Variants in ANKFN1 observed in about 807,000 individuals in gnomAD.
ANKFN1 encodes the protein ankyrin repeat and fibronectin type-III domain-containing protein 1.
In ANKFN1, 74 loss-of-function variants were observed where a neutral mutation model predicts 108.7. That is an observed-to-expected ratio of 0.68 (90% confidence interval 0.56 to 0.83). The LOEUF is 0.83. Ranked by LOEUF, ANKFN1 falls within the 40% of genes least tolerant of loss-of-function variation. The pLI is 0.00. For missense variants in ANKFN1, 1,505 were observed against 1,382.3 expected (o/e 1.09, Z -1.41); for synonymous variants, 547 against 516.2 (o/e 1.06, Z -0.81).
chr17:56,268,679 G>A (rs2043716344), intron 3 of ANKFN1, among the ~76,000 whole-genome samples: 1 of 152,016 alleles, frequency 6.6e-6, no homozygotes, highest in South Asian at 2.1e-4. Flanking sequence ...TTGATAAACT[G>A]CTAGTTAGAC....
intron 3 of ANKFN1, among the ~76,000 whole-genome samples, chr17:56,281,584 G>A (rs1263427462): frequency 6.6e-6 from 1 of 152,048 alleles, no homozygotes; most frequent in African/African-American, 2.4e-5. Flanking sequence ...CCACAGGCTG[G>A]AAAAATATAT....
chr17:56,204,655 G>A (rs925877735), intron 1 of ANKFN1, among the ~76,000 whole-genome samples: 14 of 152,188 alleles, frequency 9.2e-5, no homozygotes, highest in South Asian at 4.2e-4. Flanking sequence ...CACTGTTTAT[G>A]ATCATACATT....
At chr17:56,299,471 G>A (rs1294501294) in intron 3 of ANKFN1, among the ~76,000 whole-genome samples, 25 of 152,120 alleles carry the variant, frequency 1.6e-4, no homozygotes, top group Admixed American at 1.6e-3. Flanking sequence ...AGTAATCCCT[G>A]TACATTCTGA....
chr17:56,338,645 T>TC (rs774501924), intron 4 of ANKFN1, among the ~76,000 whole-genome samples: 7 of 151,426 alleles, frequency 4.6e-5, no homozygotes, highest in Non-Finnish European at 1.0e-4. Context: ...TTGAGGTTTC[T>TC]TTTTTTCAGT....
intron 8 of ANKFN1, among the ~76,000 whole-genome samples, chr17:56,415,525 A>ATTG (rs2048218471): frequency 6.6e-6 from 1 of 152,218 alleles, no homozygotes; most frequent in Non-Finnish European, 1.5e-5. Flanking sequence ...GATCTCTACA[A>ATTG]TGAAAACTAT....
chr17:56,187,687 G>A (rs1912357209), intron 1 of ANKFN1, among the ~76,000 whole-genome samples: 1 of 152,118 alleles, frequency 6.6e-6, no homozygotes, highest in South Asian at 2.1e-4. Flanking sequence ...CAACCCAAAT[G>A]TCCATCAATG....
At chr17:56,342,699 T>A (rs2045990591) in intron 4 of ANKFN1, among the ~76,000 whole-genome samples, 1 of 152,022 alleles carries the variant, frequency 6.6e-6, no homozygotes. Context: ...TACTAAGGAG[T>A]GTTTTACTTC....
chr17:56,215,647 A>G (rs1294108070), intron 2 of ANKFN1: 1 of 152,382 alleles, frequency 6.6e-6, no homozygotes. Context: ...CTGCAAAACT[A>G]GTTGGGCACA....
intron 8 of ANKFN1, among the ~76,000 whole-genome samples, chr17:56,438,653 G>A (rs931428817): frequency 1.2e-4 from 18 of 152,008 alleles, no homozygotes; most frequent in Middle Eastern, 3.2e-3. Flanking sequence ...TTGAACCCCC[G>A]GGCTTAAGCA....
At chr17:56,451,736 C>A (rs1254249172) in intron 11 of ANKFN1, among the ~76,000 whole-genome samples, 1 of 152,120 alleles carries the variant, frequency 6.6e-6, no homozygotes, top group East Asian at 1.9e-4. Context: ...CTTTCCCTGG[C>A]AAACTGTAAC....
chr17:56,225,843 T>A (rs1231609756), intron 2 of ANKFN1, among the ~76,000 whole-genome samples: 1 of 152,226 alleles, frequency 6.6e-6, no homozygotes, highest in Non-Finnish European at 1.5e-5. Flanking sequence ...CTCAAGGACA[T>A]CCCTGAATAG....
At chr17:56,230,323 C>G (rs1916638536) in intron 3 of ANKFN1, among the ~76,000 whole-genome samples, 1 of 152,010 alleles carries the variant, frequency 6.6e-6, no homozygotes, top group African/African-American at 2.4e-5. Flanking sequence ...GTTACTTAAC[C>G]CTTCGGTTTC....
At chr17:56,066,712 C>T (rs1273208683) in intron 4 of ANKFN1, among the ~76,000 whole-genome samples, 1 of 152,148 alleles carries the variant, frequency 6.6e-6, no homozygotes, top group Non-Finnish European at 1.5e-5. Context: ...CTTACAAACT[C>T]TGTACCCATT....
chr17:56,466,264 A>G (rs2050069677), intron 14 of ANKFN1, 92 bp from the exon 15 acceptor site: 2 of 1,182,188 alleles, frequency 1.7e-6, no homozygotes, highest in Non-Finnish European at 2.4e-6. Flanking sequence ...CTTCTCAGAA[A>G]TCAGATTATT....
At chr17:56,108,767 G>A (rs1905800344) in intron 4 of ANKFN1, among the ~76,000 whole-genome samples, 1 of 152,210 alleles carries the variant, frequency 6.6e-6, no homozygotes, top group South Asian at 2.1e-4. Context: ...TATTTTGTAT[G>A]TACAAGGAAG....
At chr17:56,419,363 A>C (rs1443422058) in intron 8 of ANKFN1, among the ~76,000 whole-genome samples, 1 of 152,008 alleles carries the variant, frequency 6.6e-6, no homozygotes, top group African/African-American at 2.4e-5. Flanking sequence ...AGCGCCTGTA[A>C]TCCCAGCTAC....
intron 9 of ANKFN1, among the ~76,000 whole-genome samples, chr17:56,441,218 A>T (rs754033003): frequency 6.6e-6 from 1 of 152,154 alleles, no homozygotes; most frequent in East Asian, 1.9e-4. Context: ...TTTCAGTCCA[A>T]TTCAAATATT....
chr17:56,241,501 A>G (rs1448654468), intron 3 of ANKFN1, among the ~76,000 whole-genome samples: 1 of 152,060 alleles, frequency 6.6e-6, no homozygotes, highest in Non-Finnish European at 1.5e-5. Flanking sequence ...CTCTGTTCAA[A>G]TAGTCTATTG....
chr17:56,502,723 G>A (rs1233493769), intron 20 of ANKFN1, among the ~76,000 whole-genome samples: 2 of 152,234 alleles, frequency 1.3e-5, no homozygotes, highest in Non-Finnish European at 2.9e-5. Flanking sequence ...GTTACCCAGA[G>A]GGCAAAGTTT....
Sources: gnomAD v4.1 joint callset for allele counts (sites outside exome capture counted in the v4.1 genomes callset) on GRCh38, gnomAD v4.1.1 for gene constraint, MANE v1.5 for transcripts, NCBI Gene and HGNC (gene_info 2026-07-23, HGNC 2026-07-21) for gene names.